Variants in BRAF observed in about 807,000 individuals in gnomAD.
BRAF encodes B-Raf proto-oncogene, serine/threonine kinase, also known as serine/threonine-protein kinase B-raf.
In BRAF, 16 loss-of-function variants were observed where a neutral mutation model predicts 104.6. That is an observed-to-expected ratio of 0.15 (90% CI 0.10 to 0.23). The LOEUF is 0.23. Among genes scored for constraint, BRAF ranks in the 10% least tolerant of loss-of-function variants. The pLI is 1.00. For synonymous variants in BRAF, 310 were observed against 341.6 expected, an observed-to-expected ratio of 0.91 and a Z score of 1.02; for missense variants, 541 against 937.3, an observed-to-expected ratio of 0.58 and a Z score of 5.52.
intron 2 of BRAF, among the ~76,000 whole-genome samples, chr7:140,846,840 G>C (rs1808603635): frequency 6.6e-6 from 1 of 152,094 alleles, no homozygotes; most frequent in East Asian, 1.9e-4. Context: ...TCTTGGGCTG[G>C]TTAGAGTCCA....
chr7:140,908,231 CG>C (rs1328495040), intron 1 of BRAF, among the ~76,000 whole-genome samples: 1 of 152,064 alleles, frequency 6.6e-6, no homozygotes. Flanking sequence ...TCTGTAAAAA[CG>C]TAATTTTAGG....
At chr7:140,747,994 G>C (rs1460251679) in intron 17 of BRAF, among the ~76,000 whole-genome samples, 1 of 152,178 alleles carries the variant, frequency 6.6e-6, no homozygotes, top group Non-Finnish European at 1.5e-5. Flanking sequence ...GAAGTAGTTA[G>C]AAAGGCCAAC....
chr7:140,863,554 C>G (rs1050386319), intron 1 of BRAF, among the ~76,000 whole-genome samples: 1 of 152,328 alleles, frequency 6.6e-6, no homozygotes, highest in Non-Finnish European at 1.5e-5. Context: ...TGGTTTGAAT[C>G]TGTGTCCCCA....
chr7:140,740,081 T>A (rs1222991995), intron 17 of BRAF, 135 bp from the exon 17 acceptor site: 1 of 938,902 alleles, frequency 1.1e-6, no homozygotes, highest in Non-Finnish European at 1.6e-6. Flanking sequence ...TAAAAAGTTT[T>A]AAAAAACCAA....
intron 1 of BRAF, among the ~76,000 whole-genome samples, chr7:140,875,049 C>T (rs747651000): frequency 1.3e-5 from 2 of 152,172 alleles, no homozygotes; most frequent in African/African-American, 4.8e-5. Flanking sequence ...GTTTCCCGTA[C>T]AGTCCGCAGA....
chr7:140,895,030 G>A (rs1814720639), intron 1 of BRAF, among the ~76,000 whole-genome samples: 1 of 152,130 alleles, frequency 6.6e-6, no homozygotes, highest in Admixed American at 6.5e-5. Flanking sequence ...GCTCAGAGAG[G>A]TATAGACTGA....
chr7:140,717,792 TGAAG>T (rs1795167578), downstream of BRAF, among the ~76,000 whole-genome samples: 2 of 152,320 alleles, frequency 1.3e-5, no homozygotes, highest in Non-Finnish European at 1.5e-5. Flanking sequence ...TAATCACACA[TGAAG>T]GTTTAGAAAA....
chr7:140,862,193 T>C (rs1810492301), intron 1 of BRAF, among the ~76,000 whole-genome samples: 1 of 151,910 alleles, frequency 6.6e-6, no homozygotes. Context: ...ACAGAATAAA[T>C]GGGCAAGGAG....
At chr7:140,836,702 A>C (rs1807378434) in intron 2 of BRAF, among the ~76,000 whole-genome samples, 1 of 152,142 alleles carries the variant, frequency 6.6e-6, no homozygotes, top group African/African-American at 2.4e-5. Flanking sequence ...TCTCTCAATA[A>C]AATTTATTTA....
chr7:140,714,359 G>C (rs993866148), downstream of BRAF, among the ~76,000 whole-genome samples: 1 of 152,142 alleles, frequency 6.6e-6, no homozygotes, highest in African/African-American at 2.4e-5. Context: ...TCTACCCACA[G>C]ATCTGTATCT....
At chr7:140,902,042 T>C (rs1815706060) in intron 1 of BRAF, among the ~76,000 whole-genome samples, 1 of 152,222 alleles carries the variant, frequency 6.6e-6, no homozygotes, top group South Asian at 2.1e-4. Context: ...GCATGCTTCA[T>C]CATATTGTGC....
At chr7:140,914,836 G>A (rs1484531416) in intron 1 of BRAF, among the ~76,000 whole-genome samples, 2 of 151,532 alleles carry the variant, frequency 1.3e-5, no homozygotes, top group Non-Finnish European at 2.9e-5. Context: ...TCAGGAGATC[G>A]AGACCATCCT....
At chr7:140,765,777 A>C (rs926396316) in intron 14 of BRAF, among the ~76,000 whole-genome samples, 4 of 152,048 alleles carry the variant, frequency 2.6e-5, no homozygotes, top group African/African-American at 9.7e-5. Flanking sequence ...TTAGAATGGC[A>C]ATCATTAAAA....
At position 140,794,315 on chromosome 7, in the gene BRAF, T is replaced by C. The variant is rs1278451495; in HGVS notation, c.1133A>G (p.Asn378Ser). The part of the protein sequence containing the change: ...NVHINTIEPV[N>S]IDDLIRDQGF... ...GCAATGCTGGATACTTACATCAATA[T>C]TGACAGGTTCTATTGTGTTTATATG... is the stretch of plus-strand genomic sequence containing the variant. Residue 378 changes from asparagine (N) to serine (S), a missense_variant, in exon 8 of 20, where the codon AAT becomes AGT. This residue lies in a region of BRAF where 109 missense variants were observed against 143.9 expected (regional missense o/e 0.76). Transcript: ENST00000644969. 4.3e-6 allele frequency: 7 copies of C among 1,614,026 alleles called. No individual in the cohort carries two copies. Among genetic ancestry groups the C allele is most frequent in the Non-Finnish European group, 5.1e-6 (6 of 1,180,004 alleles).
At chr7:140,739,777 T>A (rs755852332) in intron 18 of BRAF, 35 bp downstream of exon 17, 33 of 1,610,482 alleles carry the variant, frequency 2.0e-5, no homozygotes, top group Non-Finnish European at 2.5e-5. Context: ...TGAATGTTAG[T>A]CTGTTCTTTT....
In BRAF at chr7:140,808,482, T is replaced by C; in HGVS notation, c.608+410A>G. The C allele has an allele frequency of 1.8e-5, 6 of 339,060 alleles. 1 individual carries two copies. Among genetic ancestry groups the C allele is most frequent in the South Asian group, 1.6e-4 (6 of 38,252 alleles). 21.0% of individuals were successfully genotyped at this position (339,060 alleles called of 1,614,324 possible). A position where few individuals can be genotyped will look rare whatever the true frequency, so the allele number is the denominator to read the frequency against. ...TTTTTTTTTTAAAGAGGATTCAAAA[T>C]GTGAGGGTCTTGGAACAATGTTAGA... is the stretch of plus-strand genomic sequence containing the variant. On this transcript the variant is annotated intron_variant, in intron 4 of 19. Coordinates refer to ENST00000644969, the MANE Select transcript of BRAF (RefSeq NM_001374258.1).
At chr7:140,727,444 A>G (rs1160227687) in intron 19 of BRAF, among the ~76,000 whole-genome samples, 1 of 152,088 alleles carries the variant, frequency 6.6e-6, no homozygotes. Flanking sequence ...TCGGCCTCCC[A>G]AAGTGCTGGG....
At chr7:140,886,806 C>T (rs1230906338) in intron 1 of BRAF, among the ~76,000 whole-genome samples, 1 of 152,138 alleles carries the variant, frequency 6.6e-6, no homozygotes, top group Non-Finnish European at 1.5e-5. Context: ...GTTTAATGAA[C>T]ATCTGATTGC....
chr7:140,846,329 GA>G (rs386718492), intron 2 of BRAF, among the ~76,000 whole-genome samples: 64 of 152,030 alleles, frequency 4.2e-4, no homozygotes, highest in African/African-American at 1.5e-3. Flanking sequence ...CCTTAAAAAG[GA>G]AAAAAATTTT....
Sources: gnomAD v4.1 joint callset for allele counts (sites outside exome capture counted in the v4.1 genomes callset) on GRCh38, gnomAD v4.1.1 for gene constraint, gnomAD v4.1.1 regional missense constraint, MANE v1.5 for transcripts, NCBI Gene and HGNC (gene_info 2026-07-23, HGNC 2026-07-21) for gene names.